Variants in UTRN observed in about 807,000 individuals in gnomAD.
UTRN encodes dystrophin-related protein 1.
In UTRN, 283 loss-of-function variants were observed where a neutral mutation model predicts 463.9. The ratio of observed to expected loss-of-function variants is 0.61; its 90% CI spans 0.55 to 0.67. The LOEUF is 0.67. UTRN is among the 30% of genes least tolerant of loss of function. The probability of loss-of-function intolerance (pLI) is 0.00; values close to 1 mark genes in which losing one functional copy is unlikely to be tolerated. For missense variants in UTRN, 3,922 were observed against 4,084.3 expected, an observed-to-expected ratio of 0.96 and a Z score of 1.08; for synonymous variants, 1,442 against 1,431.5, an observed-to-expected ratio of 1.01 and a Z score of -0.17.
intron 39 of UTRN, 26 bp from the exon 40 acceptor site, chr6:144,521,954 T>TC (rs1796139025): frequency 1.9e-6 from 2 of 1,039,004 alleles, no homozygotes; most frequent in African/African-American, 4.1e-5. Flanking sequence ...TATATATATA[T>TC]ATTTTTTTTT....
At chr6:144,323,199 G>C (rs919524779) in intron 2 of UTRN, among the ~76,000 whole-genome samples, 8 of 152,164 alleles carry the variant, frequency 5.3e-5, no homozygotes, top group African/African-American at 1.7e-4. Context: ...CATTGATGAA[G>C]CATAACCTTG....
chr6:144,301,548 T>C (rs1165016293), intron 2 of UTRN, among the ~76,000 whole-genome samples: 2 of 139,094 alleles, frequency 1.4e-5, no homozygotes, highest in African/African-American at 5.8e-5. Flanking sequence ...TTTTTTTTTT[T>C]TTTTTTTTTT....
At chr6:144,666,844 T>A (rs530503852) in intron 51 of UTRN, among the ~76,000 whole-genome samples, 1 of 152,204 alleles carries the variant, frequency 6.6e-6, no homozygotes, top group South Asian at 2.1e-4. Flanking sequence ...AGCTATGCAG[T>A]CCTGTTTCAT....
At chr6:144,758,221 T>G in intron 58 of UTRN, 1 of 325,888 alleles carries the variant, frequency 3.1e-6, no homozygotes, top group Non-Finnish European at 5.5e-6. Flanking sequence ...AAGTAGAGAT[T>G]TAAATATTTG....
At chr6:144,317,805 G>A (rs1775380075) in intron 2 of UTRN, among the ~76,000 whole-genome samples, 1 of 152,160 alleles carries the variant, frequency 6.6e-6, no homozygotes, top group Non-Finnish European at 1.5e-5. Flanking sequence ...AGACTTTCCT[G>A]TCAAGGAACC....
chr6:144,494,299 T>G (rs377080705), intron 33 of UTRN, among the ~76,000 whole-genome samples: 4 of 152,082 alleles, frequency 2.6e-5, no homozygotes, highest in African/African-American at 9.6e-5. Flanking sequence ...GGCTCAGGAG[T>G]GACGCTGCAG....
At chr6:144,751,290 A>G (rs935548559) in intron 55 of UTRN, among the ~76,000 whole-genome samples, 1 of 152,244 alleles carries the variant, frequency 6.6e-6, no homozygotes, top group Non-Finnish European at 1.5e-5. Flanking sequence ...TAAACTGCAT[A>G]TAATAGAAAG....
intron 14 of UTRN, 24 bp downstream of exon 14, chr6:144,444,406 G>A (rs187299176): frequency 3.1e-5 from 48 of 1,569,030 alleles, no homozygotes; most frequent in Middle Eastern, 1.7e-4. Flanking sequence ...TTCCATAAGG[G>A]GCAAAATAAA....
rs569958690 is a variant in UTRN at position 144,516,784 on chromosome 6, A to AT, written c.5404-17dup. On this transcript the variant is annotated intron_variant, in intron 38 of 74. Transcript: ENST00000367545. ...ACCTTATGCATTTTTCTTTTGAGTC[A>AT]TTTTTTTTTTCCTTTTAAAAATTTA... 3.2e-3 allele frequency: 4,135 copies of AT among 1,273,720 alleles called. 3 individuals are homozygous for AT. Among genetic ancestry groups the AT allele is most frequent in the East Asian group, 0.017 (556 of 33,612 alleles). 78.9% of individuals were successfully genotyped at this position (1,273,720 alleles called of 1,614,324 possible).
intron 51 of UTRN, among the ~76,000 whole-genome samples, chr6:144,615,865 C>T (rs1392264117): frequency 6.6e-6 from 1 of 152,090 alleles, no homozygotes; most frequent in Non-Finnish European, 1.5e-5. Context: ...GCTCCCATTA[C>T]ACTTATAATA....
intron 27 of UTRN, among the ~76,000 whole-genome samples, chr6:144,484,542 A>T (rs1489337273): frequency 7.0e-6 from 1 of 143,744 alleles, no homozygotes; most frequent in Non-Finnish European, 1.5e-5. Context: ...TCCCAGGTTC[A>T]AGTGATTCTC....
At chr6:144,592,084 A>G (rs1018171783) in intron 51 of UTRN, among the ~76,000 whole-genome samples, 5 of 152,180 alleles carry the variant, frequency 3.3e-5, no homozygotes, top group African/African-American at 1.2e-4. Context: ...TTCCTTTTAC[A>G]CTTTACACAT....
chr6:144,588,679 T>C (rs1802711188), intron 51 of UTRN, among the ~76,000 whole-genome samples: 2 of 152,184 alleles, frequency 1.3e-5, no homozygotes, highest in Admixed American at 6.5e-5. Context: ...GTTTATTAAA[T>C]TTCAAGTGGA....
intron 23 of UTRN, among the ~76,000 whole-genome samples, chr6:144,470,242 G>A (rs1487897128): frequency 6.6e-6 from 1 of 152,132 alleles, no homozygotes; most frequent in Admixed American, 6.5e-5. Flanking sequence ...GGTGGCGGCC[G>A]GGCAGAGGGG....
At chr6:144,540,096 A>T (rs1797863808) in intron 45 of UTRN, among the ~76,000 whole-genome samples, 1 of 151,804 alleles carries the variant, frequency 6.6e-6, no homozygotes, top group South Asian at 2.1e-4. Context: ...TTTGCACATG[A>T]CTTTTCACAC....
chr6:144,850,554 G>A lies in UTRN; in HGVS notation c.10294-435G>A, dbSNP rs74327373. ...TAACTGGCACCACTAAACACCCTTG[G>A]GTTATGATTCCTGCCTTGCCTTCCT... On this transcript the variant is annotated intron_variant, in intron 74 of 74. Transcript: ENST00000367545. Among the ~76,000 whole-genome samples, 234 of 152,132 alleles carry A rather than the reference G, an allele frequency of 1.5e-3. 5 individuals carry two copies. The East Asian group carries it at 0.037, about 24-fold the overall frequency.
chr6:144,772,540 C>T (rs537538961), intron 59 of UTRN, among the ~76,000 whole-genome samples: 22 of 152,232 alleles, frequency 1.4e-4, no homozygotes, highest in South Asian at 6.2e-4. Flanking sequence ...GTAGTTTTTA[C>T]CTCCTTCGTA....
intron 23 of UTRN, among the ~76,000 whole-genome samples, chr6:144,466,482 T>C (rs1789973731): frequency 1.3e-5 from 2 of 152,236 alleles, no homozygotes; most frequent in African/African-American, 4.8e-5. Context: ...CTTAAGTTCT[T>C]TTTATTTGTG....
At chr6:144,573,821 G>A (rs1801178395) in intron 50 of UTRN, among the ~76,000 whole-genome samples, 2 of 152,184 alleles carry the variant, frequency 1.3e-5, no homozygotes, top group African/African-American at 4.8e-5. Flanking sequence ...GCAGTTTATA[G>A]AATGGGTGGA....
Sources: allele counts gnomAD v4.1 joint callset (sites outside exome capture counted in the v4.1 genomes callset), GRCh38; gene constraint gnomAD v4.1.1; transcripts MANE v1.5; gene names NCBI Gene and HGNC (gene_info 2026-07-23, HGNC 2026-07-21).